The following CNTN6 variants were observed in gnomAD, a reference collection of about 807,000 sequenced individuals.
CNTN6 encodes the protein contactin-6.
A neutral mutation model predicts 122.8 loss-of-function variants in CNTN6; 137 were observed. The observed-to-expected ratio is 1.12, with a 90% CI of 0.97 to 1.29. CNTN6 has a LOEUF of 1.29. Ranked by LOEUF, CNTN6 falls within the 50% of genes most tolerant of loss-of-function variation. The pLI is 0.00. For synonymous variants in CNTN6, 570 were observed against 426.0 expected (o/e 1.34, Z -4.16); for missense variants, 1,634 against 1,223.4 (o/e 1.34, Z -5.01).
chr3:1,279,300 C>T (rs568716521), intron 5 of CNTN6, among the ~76,000 whole-genome samples: 97 of 152,144 alleles, frequency 6.4e-4, no homozygotes, highest in Non-Finnish European at 1.1e-3. Flanking sequence ...TAAATTTAGT[C>T]GTGATTCTCA....
intron 7 of CNTN6, among the ~76,000 whole-genome samples, chr3:1,319,584 A>G (rs774637509): frequency 6.6e-6 from 1 of 151,596 alleles, no homozygotes; most frequent in Non-Finnish European, 1.5e-5. Context: ...AGAGGGAAAA[A>G]TACACAATTT....
intron 2 of CNTN6, among the ~76,000 whole-genome samples, chr3:1,220,042 T>C (rs114911063): frequency 0.026 from 3,075 of 117,030 alleles, 116 homozygotes; most frequent in African/African-American, 0.1. Context: ...AAATATCAAC[T>C]GGATTCTTTT....
At chr3:1,283,781 C>T (rs951911258) in intron 5 of CNTN6, among the ~76,000 whole-genome samples, 1 of 152,122 alleles carries the variant, frequency 6.6e-6, no homozygotes, top group Non-Finnish European at 1.5e-5. Flanking sequence ...GGGCAGATCA[C>T]CTGAGGTCAG....
At chr3:1,196,955 CT>C (rs1404939530) in intron 2 of CNTN6, among the ~76,000 whole-genome samples, 1 of 152,134 alleles carries the variant, frequency 6.6e-6, no homozygotes, top group African/African-American at 2.4e-5. Context: ...GAGAAGAAAC[CT>C]GTAGAACACT....
intron 12 of CNTN6, among the ~76,000 whole-genome samples, chr3:1,370,206 C>T (rs183700672): frequency 6.6e-6 from 1 of 151,544 alleles, no homozygotes; most frequent in East Asian, 1.9e-4. Flanking sequence ...GTTTCTCCTC[C>T]ATCTCTCTTC....
At chr3:1,264,704 T>C (rs2094899479) in intron 4 of CNTN6, among the ~76,000 whole-genome samples, 1 of 152,198 alleles carries the variant, frequency 6.6e-6, no homozygotes, top group African/African-American at 2.4e-5. Flanking sequence ...TTGTCATTTT[T>C]TGTGGTAAAA....
chr3:1,128,471 C>G (rs901178315), intron 1 of CNTN6: 3 of 151,968 alleles, frequency 2.0e-5, no homozygotes, highest in African/African-American at 7.2e-5. Flanking sequence ...CCTCCCCACT[C>G]CACAATTTGT....
At chr3:1,279,350 A>G (rs984615324) in intron 5 of CNTN6, among the ~76,000 whole-genome samples, 9 of 145,236 alleles carry the variant, frequency 6.2e-5, no homozygotes, top group African/African-American at 2.3e-4. Context: ...GAAAACATCC[A>G]TGGAGTCATT....
At chr3:1,210,986 GACTC>G (rs2094028857) in intron 2 of CNTN6, among the ~76,000 whole-genome samples, 1 of 152,168 alleles carries the variant, frequency 6.6e-6, no homozygotes, top group Non-Finnish European at 1.5e-5. Context: ...GTGTAAATGT[GACTC>G]ACTGCTGACC....
intron 1 of CNTN6, among the ~76,000 whole-genome samples, chr3:1,115,662 G>A (rs1054983610): frequency 6.6e-6 from 1 of 152,174 alleles, no homozygotes; most frequent in Non-Finnish European, 1.5e-5. Context: ...TGAGGCAGGA[G>A]AATTGCTTGA....
At chr3:1,208,159 A>T (rs1191236412) in intron 2 of CNTN6, among the ~76,000 whole-genome samples, 2 of 152,066 alleles carry the variant, frequency 1.3e-5, no homozygotes, top group Admixed American at 6.6e-5. Context: ...TGAGTCATGG[A>T]TCTAAACATA....
Position 1,171,996 on chromosome 3 carries a change from CA to C in CNTN6, c.55+23934del, listed in dbSNP as rs564658767. Among the ~76,000 whole-genome samples the C allele has an allele frequency of 3.3e-5, 5 of 152,314 alleles. No individual in the cohort carries two copies. In the South Asian group the frequency reaches 1.0e-3, roughly 32 times the overall value. Reference sequence around the variant, plus strand: ...CATAAAGCCTCAGCCTTCAATTTCACACCATCCAAACCCATTGAAGCTCTTG... The same window carrying C: ...CATAAAGCCTCAGCCTTCAATTTCACCCATCCAAACCCATTGAAGCTCTTG... On this transcript the variant is annotated intron_variant, in intron 2 of 22. Transcript: ENST00000446702.
intron 7 of CNTN6, among the ~76,000 whole-genome samples, chr3:1,309,131 A>G (rs550391865): frequency 2.0e-5 from 3 of 151,198 alleles, no homozygotes; most frequent in Non-Finnish European, 4.4e-5. Context: ...CAAGGTTTTT[A>G]TTTTAATGAT....
chr3:1,241,033 A>G (rs1429600701), intron 4 of CNTN6, among the ~76,000 whole-genome samples: 6 of 152,102 alleles, frequency 3.9e-5, no homozygotes, highest in Admixed American at 3.9e-4. Context: ...GGGGGAGACT[A>G]CAAAGTACCT....
intron 11 of CNTN6, among the ~76,000 whole-genome samples, chr3:1,343,458 T>C (rs964659783): frequency 6.6e-6 from 1 of 152,150 alleles, no homozygotes; most frequent in Admixed American, 6.5e-5. Flanking sequence ...ATAAAGTTTA[T>C]ACTCCTTATT....
intron 2 of CNTN6, among the ~76,000 whole-genome samples, chr3:1,170,191 C>G (rs1383890854): frequency 7.8e-6 from 1 of 128,530 alleles, no homozygotes; most frequent in Non-Finnish European, 1.6e-5. Context: ...GAGCTGAGAT[C>G]ATGCCACTGC....
chr3:1,237,626 A>T (rs1371486409), intron 4 of CNTN6, among the ~76,000 whole-genome samples: 1 of 152,190 alleles, frequency 6.6e-6, no homozygotes, highest in Non-Finnish European at 1.5e-5. Flanking sequence ...AGACAAAGGA[A>T]AGACTCTTAA....
intron 2 of CNTN6, among the ~76,000 whole-genome samples, chr3:1,193,462 C>T (rs71309803): frequency 1.7e-4 from 26 of 152,056 alleles, no homozygotes; most frequent in Non-Finnish European, 3.2e-4. Context: ...ATAGTAGTGC[C>T]TTCTTCATAG....
chr3:1,400,217 C>T, intron 20 of CNTN6, among the ~76,000 whole-genome samples: 1 of 152,074 alleles, frequency 6.6e-6, no homozygotes, highest in Non-Finnish European at 1.5e-5. Flanking sequence ...ATCTTTACTT[C>T]CACTTTCCAG....
Sources: gnomAD v4.1 joint callset for allele counts (sites outside exome capture counted in the v4.1 genomes callset) on GRCh38, gnomAD v4.1.1 for gene constraint, MANE v1.5 for transcripts, NCBI Gene and HGNC (gene_info 2026-07-23, HGNC 2026-07-21) for gene names.